The following CDRT4 variants were observed in gnomAD, a reference collection of about 807,000 sequenced individuals.
CDRT4 encodes CMT1A duplicated region transcript 4.
For synonymous variants in CDRT4, 64 were observed against 69.6 expected, an observed-to-expected ratio of 0.92 and a Z score of 0.40; for missense variants, 167 against 193.1, an observed-to-expected ratio of 0.87 and a Z score of 0.80.
chr17:15,456,398 G>C (rs1979483475), intron 1 of CDRT4, among the ~76,000 whole-genome samples: 1 of 152,080 alleles, frequency 6.6e-6, no homozygotes, highest in African/African-American at 2.4e-5. Context: ...GGTTTCTTTT[G>C]AAAACTAAGT....
chr17:15,437,687 G>A lies in CDRT4; in HGVS notation c.*86C>T. 1.5e-6 allele frequency: 2 copies of A among 1,347,760 alleles called. No homozygotes were observed. The highest frequency in any genetic ancestry group is 1.9e-5 in the Admixed American group (1 of 51,306). The allele number at this position is 1,347,760 out of a possible 1,614,324, so 83.5% of individuals were successfully genotyped here. ...ATTTAAAGGACACTGTCAAGTGAGT[G>A]GTAAATGGAGCTTAACTTTTGTACG... On this transcript the variant is annotated 3_prime_UTR_variant, in exon 4 of 4. Transcript: ENST00000619038.
chr17:15,460,381 T>C (rs891577952), intron 1 of CDRT4, among the ~76,000 whole-genome samples: 1 of 145,214 alleles, frequency 6.9e-6, no homozygotes, highest in Non-Finnish European at 1.5e-5. Flanking sequence ...TCTACAATTA[T>C]GACAACTACT....
intron 1 of CDRT4, among the ~76,000 whole-genome samples, chr17:15,456,083 G>A (rs1225146964): frequency 6.6e-6 from 1 of 152,224 alleles, no homozygotes; most frequent in Non-Finnish European, 1.5e-5. Flanking sequence ...GCAGCAGTGG[G>A]AGAAATTTCA....
rs1475606689 is a variant in CDRT4, at chr17:15,450,845, C to T, written c.-48+2159G>A. Among the ~76,000 whole-genome samples the T allele has an allele frequency of 6.6e-6, 1 of 152,140 alleles. No homozygotes were observed. Among genetic ancestry groups the T allele is most frequent in the Non-Finnish European group, 1.5e-5 (1 of 68,020 alleles). On this transcript the variant is annotated intron_variant, in intron 2 of 3. Coordinates refer to ENST00000619038, the MANE Select transcript of CDRT4 (RefSeq NM_001204477.2). The surrounding 1 kb of genome is among the most constrained non-coding windows in gnomAD (Gnocchi z 4.2). ...AGAGGCATCATCATTCATCGAATTGCCCAGTTCAAACATCTAACATCTCTT... is the reference window on the plus strand; with the variant it reads ...AGAGGCATCATCATTCATCGAATTGTCCAGTTCAAACATCTAACATCTCTT...
chr17:15,443,703 G>T, intron 2 of CDRT4: 1 of 456,514 alleles, frequency 2.2e-6, no homozygotes, highest in Non-Finnish European at 4.2e-6. Context: ...ACTCTGAAGG[G>T]ACACACAGTT....
intron 3 of CDRT4, chr17:15,439,198 T>G (rs968582348): frequency 4.4e-6 from 2 of 455,706 alleles, no homozygotes; most frequent in East Asian, 7.0e-5. Context: ...CTATATTTCT[T>G]TGGTCATTTC....
chr17:15,464,612 C>T lies in CDRT4; in HGVS notation c.-130+2848G>A, dbSNP rs1332749451. On this transcript the variant is annotated intron_variant, in intron 1 of 3. Transcript: ENST00000619038. This position sits in a 1 kb window ranked among gnomAD's most constrained non-coding sequence, Gnocchi z 4.5. ...TGCTGGTGCACCTCCCTGGCAGCTT[C>T]CCTCTGCTCCCCTCTCCAGCACTTT... Among the ~76,000 whole-genome samples, 2 of 152,068 alleles carry T rather than the reference C, an allele frequency of 1.3e-5. No individual in the cohort carries two copies. Among genetic ancestry groups the T allele is most frequent in the African/African-American group, 4.8e-5 (2 of 41,388 alleles).
Position 15,461,301 on chromosome 17 carries a change from G to A in CDRT4, c.-130+6159C>T, listed in dbSNP as rs1330201284. ...CCAGGCATAGGGATAGCAAGGCGAAGGCAGCAGAATCCCTGCCCTTAAGGA... is the reference window on the plus strand; with the variant it reads ...CCAGGCATAGGGATAGCAAGGCGAAAGCAGCAGAATCCCTGCCCTTAAGGA... On this transcript the variant is annotated intron_variant, in intron 1 of 3. Transcript: ENST00000619038. Among the ~76,000 whole-genome samples the A allele has an allele frequency of 2.0e-5, 3 of 152,344 alleles. No individual in the cohort carries two copies. The East Asian group carries it at 5.8e-4, about 29-fold the overall frequency.
At chr17:15,460,754 C>G in intron 1 of CDRT4, among the ~76,000 whole-genome samples, 1 of 152,142 alleles carries the variant, frequency 6.6e-6, no homozygotes, top group South Asian at 2.1e-4. Context: ...ACACACCACT[C>G]CCCAACACAA....
chr17:15,440,064 T>C (rs1331243804), intron 3 of CDRT4, 144 bp downstream of exon 3: 3 of 652,608 alleles, frequency 4.6e-6, no homozygotes, highest in East Asian at 3.2e-5. Flanking sequence ...GTTGTGCACA[T>C]GTACCCTAGA....
At chr17:15,467,074 G>A (rs1279708364) in intron 1 of CDRT4, among the ~76,000 whole-genome samples, 3 of 152,130 alleles carry the variant, frequency 2.0e-5, no homozygotes, top group Non-Finnish European at 2.9e-5. Flanking sequence ...GGATGGGGGG[G>A]AACGGGGGTA....
intron 2 of CDRT4, among the ~76,000 whole-genome samples, chr17:15,446,624 T>C (rs535397573): frequency 6.6e-6 from 1 of 152,284 alleles, no homozygotes; most frequent in South Asian, 2.1e-4. Context: ...AAAAGTCACG[T>C]TGCATACAGT....
intron 2 of CDRT4, among the ~76,000 whole-genome samples, chr17:15,451,383 A>T (rs1979255088): frequency 6.6e-6 from 1 of 152,168 alleles, no homozygotes; most frequent in Non-Finnish European, 1.5e-5. Flanking sequence ...AAAATGGACT[A>T]ACACACCCTA....
In CDRT4 at chr17:15,440,217, T is replaced by C. The variant is rs75170891; in HGVS notation, c.22A>G (p.Lys8Glu). 2 of 1,613,916 alleles carry C rather than the reference T, an allele frequency of 1.2e-6. No individual in the cohort carries two copies. The highest frequency in any genetic ancestry group is 2.2e-5 in the South Asian group (2 of 91,064). Residue 8 changes from lysine to glutamate, a missense_variant, in exon 3 of 4, where the codon AAA (lysine) becomes GAA (glutamate). By Grantham distance (56) the Lys-to-Glu change is moderately conservative. Coordinates refer to ENST00000619038, the MANE Select transcript of CDRT4 (RefSeq NM_001204477.2). The part of the protein sequence containing the change: MDARRMK[K>E]EEGLTENTGL... The stretch of plus-strand genomic sequence containing the variant: ...ACACTCCCAACCCTACCTTCTTCTT[T>C]CTTCATCCTTCTTGCATCCATCTTC...
At chr17:15,462,136 GAA>G (rs1298627555) in intron 1 of CDRT4, among the ~76,000 whole-genome samples, 1 of 106,552 alleles carries the variant, frequency 9.4e-6, no homozygotes, top group Non-Finnish European at 1.9e-5. Context: ...TCTCTAGCAA[GAA>G]AAGATTCTAG....
rs137856282 is a variant in CDRT4, at chr17:15,436,112, T to C, written c.*1661A>G. The C allele has an allele frequency of 2.0e-5, 3 of 152,328 alleles. No homozygotes were observed. Among genetic ancestry groups the C allele is most frequent in the Admixed American group, 6.5e-5 (1 of 15,294 alleles). 9.4% of individuals were successfully genotyped at this position (152,328 alleles called of 1,614,324 possible). ...ATTCAAATTCCCTGGAAACCACCTA[T>C]ATTTTTCGAAGAATTCATTCTGGCC... On this transcript the variant is annotated 3_prime_UTR_variant, in exon 4 of 4. Transcript: ENST00000619038.
chr17:15,441,450 G>A (rs1025646742), intron 2 of CDRT4, among the ~76,000 whole-genome samples: 3 of 152,050 alleles, frequency 2.0e-5, no homozygotes, highest in South Asian at 2.1e-4. Context: ...CATACTCTGC[G>A]TAGCCCTGGT....
chr17:15,437,475 C>G lies in CDRT4; in HGVS notation c.*298G>C. On this transcript the variant is annotated 3_prime_UTR_variant, in exon 4 of 4. Coordinates refer to ENST00000619038, the MANE Select transcript of CDRT4 (RefSeq NM_001204477.2). ...AAAAGAGCTTGTGTGATTTCTGTCTCCTGCCTGGACCCAGACAAATCACCC... is the reference window on the plus strand; with the variant it reads ...AAAAGAGCTTGTGTGATTTCTGTCTGCTGCCTGGACCCAGACAAATCACCC... 1 of 449,602 alleles carries G rather than the reference C, an allele frequency of 2.2e-6. No homozygotes were observed. The highest frequency in any genetic ancestry group is 4.0e-6 in the Non-Finnish European group (1 of 251,386). 27.9% of individuals were successfully genotyped at this position (449,602 alleles called of 1,614,324 possible). A position where few individuals can be genotyped will look rare whatever the true frequency, so the allele number is the denominator to read the frequency against.
chr17:15,465,987 C>T (rs77775136), intron 1 of CDRT4, among the ~76,000 whole-genome samples: 1,541 of 151,656 alleles, frequency 0.01, 34 homozygotes, highest in African/African-American at 0.036. Context: ...CCTCTTTGTG[C>T]CCTGCACAAG....
Sources: allele counts gnomAD v4.1 joint callset (sites outside exome capture counted in the v4.1 genomes callset), GRCh38; gene constraint gnomAD v4.1.1; non-coding constraint Gnocchi (gnomAD v3.1); transcripts MANE v1.5; gene names NCBI Gene and HGNC (gene_info 2026-07-23, HGNC 2026-07-21).